The following LRRTM4 variants were observed in gnomAD, a reference collection of about 807,000 sequenced individuals.
The protein encoded by LRRTM4 is leucine rich repeat transmembrane neuronal 4, also known as leucine-rich repeat transmembrane neuronal protein 4.
In LRRTM4, 25 loss-of-function variants were observed where a neutral mutation model predicts 47.6. The ratio of observed to expected loss-of-function variants is 0.53; its 90% CI spans 0.38 to 0.73. The LOEUF (loss-of-function observed/expected upper bound fraction) is 0.73, where lower values mean the gene tolerates loss of function less well. Ranked by LOEUF, LRRTM4 falls within the 30% of genes least tolerant of loss-of-function variation. The probability of loss-of-function intolerance (pLI) is 0.00; values close to 1 mark genes in which losing one functional copy is unlikely to be tolerated. For synonymous variants in LRRTM4, 311 were observed against 269.5 expected, an observed-to-expected ratio of 1.15 and a Z score of -1.51; for missense variants, 638 against 713.4, an observed-to-expected ratio of 0.89 and a Z score of 1.20.
intron 3 of LRRTM4, among the ~76,000 whole-genome samples, chr2:77,051,649 C>G (rs1679436370): frequency 6.6e-6 from 1 of 152,118 alleles, no homozygotes; most frequent in South Asian, 2.1e-4. Flanking sequence ...TTCTTTTTCT[C>G]TGGGATAGAT....
intron 3 of LRRTM4, among the ~76,000 whole-genome samples, chr2:76,909,513 G>A (rs903311054): frequency 1.3e-5 from 2 of 151,904 alleles, no homozygotes; most frequent in East Asian, 1.9e-4. Context: ...TTAAACTAAA[G>A]AGCTTCTGCA....
chr2:76,977,108 TG>T (rs760361096), intron 3 of LRRTM4, among the ~76,000 whole-genome samples: 1 of 151,598 alleles, frequency 6.6e-6, no homozygotes, highest in Non-Finnish European at 1.5e-5. Context: ...GCTAGCAACC[TG>T]GCCTCTTCCC....
At chr2:77,485,222 A>G (rs932786458) in intron 3 of LRRTM4, among the ~76,000 whole-genome samples, 1 of 152,124 alleles carries the variant, frequency 6.6e-6, no homozygotes, top group African/African-American at 2.4e-5. Flanking sequence ...AATAGTATAT[A>G]AATACAGAAT....
intron 3 of LRRTM4, among the ~76,000 whole-genome samples, chr2:76,798,334 C>A (rs138136378): frequency 0.12 from 17,894 of 151,958 alleles, 1,376 homozygotes; most frequent in Admixed American, 0.21. Flanking sequence ...ACTGAACAAC[C>A]TGCTCCTGAA....
At chr2:76,798,241 AC>A (rs1675460638) in intron 3 of LRRTM4, among the ~76,000 whole-genome samples, 1 of 152,212 alleles carries the variant, frequency 6.6e-6, no homozygotes, top group Non-Finnish European at 1.5e-5. Flanking sequence ...AGAGATTATA[AC>A]AAACTATCTC....
chr2:76,830,597 T>C (rs1432688666), intron 3 of LRRTM4, among the ~76,000 whole-genome samples: 1 of 151,484 alleles, frequency 6.6e-6, no homozygotes, highest in East Asian at 1.9e-4. Context: ...AAGTAGAATA[T>C]TTGCATCTTT....
chr2:77,028,195 G>T (rs1391967394), intron 3 of LRRTM4, among the ~76,000 whole-genome samples: 1 of 152,104 alleles, frequency 6.6e-6, no homozygotes, highest in South Asian at 2.1e-4. Context: ...AGCAAGTTCT[G>T]AAGTAAGAAG....
intron 3 of LRRTM4, among the ~76,000 whole-genome samples, chr2:76,905,187 T>G (rs1673783481): frequency 6.6e-6 from 1 of 152,084 alleles, no homozygotes; most frequent in Non-Finnish European, 1.5e-5. Context: ...GCATTTGCAG[T>G]TCACGAAAAA....
At chr2:76,968,383 T>C (rs140147813) in intron 3 of LRRTM4, among the ~76,000 whole-genome samples, 24,134 of 110,458 alleles carry the variant, frequency 0.22, 2,781 homozygotes, top group East Asian at 0.28. Flanking sequence ...TATATATATA[T>C]ACACATACAT....
At chr2:76,991,262 C>G (rs965976096) in intron 3 of LRRTM4, among the ~76,000 whole-genome samples, 1 of 151,408 alleles carries the variant, frequency 6.6e-6, no homozygotes, top group African/African-American at 2.4e-5. Context: ...AAATTAACCC[C>G]AAAGCTAACA....
intron 3 of LRRTM4, among the ~76,000 whole-genome samples, chr2:77,392,349 G>A (rs1027364366): frequency 2.7e-5 from 4 of 150,482 alleles, no homozygotes; most frequent in Non-Finnish European, 5.9e-5. Context: ...TAGCCCAACC[G>A]CCTTGGGCAC....
intron 3 of LRRTM4, among the ~76,000 whole-genome samples, chr2:77,201,115 A>T (rs1393155786): frequency 6.6e-6 from 1 of 152,168 alleles, no homozygotes; most frequent in Non-Finnish European, 1.5e-5. Flanking sequence ...AGAATCAATG[A>T]GTTAAAAAAT....
intron 3 of LRRTM4, among the ~76,000 whole-genome samples, chr2:76,919,169 A>G (rs1029528771): frequency 3.9e-5 from 6 of 152,088 alleles, no homozygotes; most frequent in African/African-American, 1.4e-4. Flanking sequence ...ATGTGCAGGG[A>G]TATTTTTGGT....
At chr2:77,304,091 C>T (rs573457368) in intron 3 of LRRTM4, among the ~76,000 whole-genome samples, 1 of 152,076 alleles carries the variant, frequency 6.6e-6, no homozygotes, top group Non-Finnish European at 1.5e-5. Flanking sequence ...GCAAGGGTTC[C>T]TTTTTCTCCA....
At chr2:76,778,206 T>A (rs2104142969) in intron 3 of LRRTM4, among the ~76,000 whole-genome samples, 1 of 141,568 alleles carries the variant, frequency 7.1e-6, no homozygotes, top group Non-Finnish European at 1.5e-5. Context: ...ATCAAGGATA[T>A]TGGTCTAAAA....
intron 3 of LRRTM4, among the ~76,000 whole-genome samples, chr2:77,362,765 A>C (rs1464119619): frequency 6.6e-6 from 1 of 152,130 alleles, no homozygotes; most frequent in East Asian, 1.9e-4. Flanking sequence ...TGTTCGTAAA[A>C]ATCAAATAAC....
At chr2:77,048,188 T>G (rs1056780918) in intron 3 of LRRTM4, among the ~76,000 whole-genome samples, 1 of 152,018 alleles carries the variant, frequency 6.6e-6, no homozygotes, top group African/African-American at 2.4e-5. Flanking sequence ...AAAATAATCA[T>G]GATTTTATAA....
chr2:76,984,073 A>G (rs1177407285), intron 3 of LRRTM4, among the ~76,000 whole-genome samples: 1 of 152,086 alleles, frequency 6.6e-6, no homozygotes, highest in Non-Finnish European at 1.5e-5. Context: ...TACCTAAACA[A>G]TGATGAATTA....
intron 3 of LRRTM4, among the ~76,000 whole-genome samples, chr2:77,493,307 C>T (rs139875315): frequency 1.6e-3 from 249 of 151,906 alleles, no homozygotes; most frequent in African/African-American, 5.7e-3. Context: ...GAAAATGAAT[C>T]GGTAATAAGA....
Sources: gnomAD v4.1 joint callset for allele counts (sites outside exome capture counted in the v4.1 genomes callset) on GRCh38, gnomAD v4.1.1 for gene constraint, MANE v1.5 for transcripts, NCBI Gene and HGNC (gene_info 2026-07-23, HGNC 2026-07-21) for gene names.